Variants in ATRNL1 observed in about 807,000 individuals in gnomAD.
The protein encoded by ATRNL1 is attractin-like protein 1.
ATRNL1 carries 95 observed loss-of-function variants against 182.7 expected under a neutral mutation model. The observed-to-expected ratio is 0.52, with a 90% CI of 0.44 to 0.62. The LOEUF is 0.62. Ranked by LOEUF, ATRNL1 falls within the 20% of genes least tolerant of loss-of-function variation. The pLI, the probability that ATRNL1 is intolerant of heterozygous loss-of-function variation, is 0.00. For missense variants in ATRNL1, 1,471 were observed against 1,679.5 expected, an observed-to-expected ratio of 0.88 and a Z score of 2.17; for synonymous variants, 576 against 568.3, an observed-to-expected ratio of 1.01 and a Z score of -0.19.
rs115221329 is a variant in ATRNL1, at chr10:115,351,574, T to C, written c.3175+17155T>C. ...ATTTTGTTAAATGCGCTATGATGTA[T>C]CACATTTATCGATTTGTATGTTGAA... On this transcript the variant is annotated intron_variant, in intron 19 of 28. Transcript: ENST00000355044. Among the ~76,000 whole-genome samples, 831 of 152,292 alleles carry C rather than the reference T, an allele frequency of 5.5e-3. 9 individuals carry two copies. Among genetic ancestry groups the C allele is most frequent in the African/African-American group, 0.019 (801 of 41,564 alleles).
At chr10:115,896,396 G>T (rs549410957) in intron 28 of ATRNL1, among the ~76,000 whole-genome samples, 1 of 151,842 alleles carries the variant, frequency 6.6e-6, no homozygotes, top group Non-Finnish European at 1.5e-5. Flanking sequence ...AATTTTTTCC[G>T]AAGCAAGTGT....
At chr10:115,549,683 T>C in intron 26 of ATRNL1, 147 bp downstream of exon 26, 1 of 487,482 alleles carries the variant, frequency 2.1e-6, no homozygotes, top group South Asian at 5.5e-5. Flanking sequence ...TAGTATTTTT[T>C]AAGCTGTAGA....
intron 5 of ATRNL1, among the ~76,000 whole-genome samples, chr10:115,154,377 T>A (rs2143938264): frequency 6.6e-6 from 1 of 152,308 alleles, no homozygotes; most frequent in Non-Finnish European, 1.5e-5. Context: ...GGACATGCTT[T>A]ATGAATCTGG....
intron 26 of ATRNL1, among the ~76,000 whole-genome samples, chr10:115,633,719 C>A (rs782793877): frequency 9.9e-5 from 15 of 152,094 alleles, no homozygotes; most frequent in Admixed American, 2.6e-4. Context: ...ATACTGAAAG[C>A]AAGATCTAAT....
chr10:115,136,356 T>G (rs1264358102), intron 5 of ATRNL1, among the ~76,000 whole-genome samples: 1 of 152,224 alleles, frequency 6.6e-6, no homozygotes, highest in African/African-American at 2.4e-5. Context: ...ATTTACCTCC[T>G]GCCCCAATGC....
At chr10:115,812,184 G>A (rs537943064) in intron 27 of ATRNL1, among the ~76,000 whole-genome samples, 13 of 151,950 alleles carry the variant, frequency 8.6e-5, no homozygotes, top group South Asian at 8.3e-4. Flanking sequence ...AATAGGTTTC[G>A]TATGGGCAAC....
At chr10:115,562,253 A>T (rs537490066) in intron 26 of ATRNL1, among the ~76,000 whole-genome samples, 2 of 152,148 alleles carry the variant, frequency 1.3e-5, no homozygotes, top group African/African-American at 2.4e-5. Flanking sequence ...CATTAGGCAA[A>T]TCTAAAGAGA....
At chr10:115,167,266 T>A (rs1847089289) in intron 7 of ATRNL1, among the ~76,000 whole-genome samples, 1 of 152,016 alleles carries the variant, frequency 6.6e-6, no homozygotes, top group Admixed American at 6.6e-5. Context: ...TATATGTCTG[T>A]CTTTATGCTA....
At chr10:115,704,612 A>G (rs11197412) in intron 26 of ATRNL1, among the ~76,000 whole-genome samples, 1 of 151,870 alleles carries the variant, frequency 6.6e-6, no homozygotes, top group African/African-American at 2.4e-5. Flanking sequence ...AACAATAACT[A>G]TTTTGTTCCT....
intron 28 of ATRNL1, among the ~76,000 whole-genome samples, chr10:115,937,799 A>G (rs1203435385): frequency 2.0e-5 from 3 of 152,232 alleles, no homozygotes; most frequent in Non-Finnish European, 4.4e-5. Context: ...GTTTAAAAGA[A>G]CTACAAATAC....
chr10:115,528,702 C>T (rs1554987368), intron 25 of ATRNL1, among the ~76,000 whole-genome samples: 3 of 151,794 alleles, frequency 2.0e-5, no homozygotes, highest in Non-Finnish European at 4.4e-5. Context: ...TTTTCTAGTT[C>T]AAGTTGTAAA....
intron 24 of ATRNL1, among the ~76,000 whole-genome samples, chr10:115,496,061 C>T (rs1283839265): frequency 3.3e-5 from 5 of 152,112 alleles, no homozygotes; most frequent in African/African-American, 1.2e-4. Context: ...TAACCACTAC[C>T]ATTGTATAAT....
chr10:115,726,617 C>A (rs1368925961), intron 26 of ATRNL1, among the ~76,000 whole-genome samples: 1 of 152,314 alleles, frequency 6.6e-6, no homozygotes, highest in East Asian at 1.9e-4. Context: ...TCTGGGGGTG[C>A]TGTAGAAGTC....
At chr10:115,270,421 A>C (rs1261729204) in intron 13 of ATRNL1, among the ~76,000 whole-genome samples, 1 of 127,072 alleles carries the variant, frequency 7.9e-6, no homozygotes, top group Non-Finnish European at 1.7e-5. Flanking sequence ...TATAATATAT[A>C]TTTGTTTATA....
chr10:115,405,778 G>A (rs1844795288), intron 20 of ATRNL1, among the ~76,000 whole-genome samples: 2 of 150,924 alleles, frequency 1.3e-5, no homozygotes, highest in South Asian at 4.2e-4. Context: ...TGCCATATTG[G>A]TGTGCTGCAC....
chr10:115,478,882 C>T (rs1848642876), intron 24 of ATRNL1, among the ~76,000 whole-genome samples: 3 of 151,556 alleles, frequency 2.0e-5, no homozygotes, highest in Non-Finnish European at 4.4e-5. Context: ...TATGTTTTCA[C>T]TCCTACTATC....
At chr10:115,795,529 C>T (rs1341158899) in intron 27 of ATRNL1, among the ~76,000 whole-genome samples, 3 of 152,118 alleles carry the variant, frequency 2.0e-5, no homozygotes, top group African/African-American at 7.2e-5. Context: ...ATACCTGAGA[C>T]TGCGTAATTT....
chr10:115,919,549 AATG>A (rs1952981564), intron 28 of ATRNL1, among the ~76,000 whole-genome samples: 1 of 152,104 alleles, frequency 6.6e-6, no homozygotes, highest in South Asian at 2.1e-4. Context: ...CTTCAGATAA[AATG>A]ATGATGAAGG....
chr10:115,606,047 T>C (rs1241150031), intron 26 of ATRNL1, among the ~76,000 whole-genome samples: 2 of 146,132 alleles, frequency 1.4e-5, no homozygotes, highest in Admixed American at 1.3e-4. Context: ...TATCTGAGTT[T>C]ATTGTATTCC....
Sources: gnomAD v4.1 joint callset for allele counts (sites outside exome capture counted in the v4.1 genomes callset) on GRCh38, gnomAD v4.1.1 for gene constraint, MANE v1.5 for transcripts, NCBI Gene and HGNC (gene_info 2026-07-23, HGNC 2026-07-21) for gene names.